Variants in ATRNL1 observed in about 807,000 individuals in gnomAD.
ATRNL1 encodes the protein attractin like 1.
In ATRNL1, 95 loss-of-function variants were observed where a neutral mutation model predicts 182.7. The ratio of observed to expected loss-of-function variants is 0.52; its 90% CI spans 0.44 to 0.62. The LOEUF is 0.62. ATRNL1 is among the 20% of genes least tolerant of loss of function. ATRNL1 has a pLI of 0.00. For missense variants in ATRNL1, 1,471 were observed against 1,679.5 expected (o/e 0.88, Z 2.17); for synonymous variants, 576 against 568.3 (o/e 1.01, Z -0.19).
chr10:115,342,304 C>T (rs188138527), intron 19 of ATRNL1, among the ~76,000 whole-genome samples: 196 of 150,984 alleles, frequency 1.3e-3, no homozygotes, highest in Middle Eastern at 3.4e-3. Context: ...CCTTTTTTTT[C>T]CTGGTGATAT....
chr10:115,719,592 C>A (rs1475541052), intron 26 of ATRNL1, among the ~76,000 whole-genome samples: 2 of 152,092 alleles, frequency 1.3e-5, no homozygotes, highest in African/African-American at 4.8e-5. Context: ...TAATTTACTT[C>A]AAAATACTCA....
At position 115,307,349 on chromosome 10, in the gene ATRNL1, G is replaced by A. The variant is rs545560049; in HGVS notation, c.2818+5306G>A. ...ACAATCTTGGCCCAGTGCAATCTCC[G>A]CCTTCTGGGTTGAAGCAATTCTCCT... is the stretch of plus-strand genomic sequence containing the variant. On this transcript the variant is annotated intron_variant, in intron 17 of 28. Transcript: ENST00000355044. 8.6e-4 allele frequency among the ~76,000 whole-genome samples: 131 copies of A among 152,156 alleles called. 2 individuals are homozygous for A. Among genetic ancestry groups the A allele is most frequent in the Non-Finnish European group, 9.9e-4 (67 of 67,982 alleles).
intron 22 of ATRNL1, among the ~76,000 whole-genome samples, chr10:115,465,677 A>C (rs1554970650): frequency 2.6e-5 from 4 of 151,484 alleles, no homozygotes; most frequent in African/African-American, 9.7e-5. Context: ...ATGATGCATA[A>C]TATAATAGCC....
intron 26 of ATRNL1, among the ~76,000 whole-genome samples, chr10:115,627,558 G>T (rs1443400741): frequency 6.6e-6 from 1 of 151,950 alleles, no homozygotes; most frequent in Non-Finnish European, 1.5e-5. Flanking sequence ...TAGAGACAGG[G>T]TTTCACCAAG....
At position 115,774,373 on chromosome 10, in the gene ATRNL1, C is replaced by A. The variant is rs561655494; in HGVS notation, c.3903+47018C>A. Among the ~76,000 whole-genome samples, 30 of 131,088 alleles carry A rather than the reference C, an allele frequency of 2.3e-4. No individual in the cohort carries two copies. The Admixed American group carries it at 2.7e-3, about 12-fold the overall frequency. The allele number at this position is 131,088 out of a possible 152,430, so 86.0% of individuals were successfully genotyped here. A position where few individuals can be genotyped will look rare whatever the true frequency, so the allele number is the denominator to read the frequency against. On this transcript the variant is annotated intron_variant, in intron 27 of 28. Coordinates refer to ENST00000355044, the MANE Select transcript of ATRNL1 (RefSeq NM_207303.4). ...CCAGGCCACGGAAGTTGCGGTGAGCCGAGATCACACCACTGCACTCCAGCC... is the reference window on the plus strand; with the variant it reads ...CCAGGCCACGGAAGTTGCGGTGAGCAGAGATCACACCACTGCACTCCAGCC...
intron 24 of ATRNL1, among the ~76,000 whole-genome samples, chr10:115,471,423 G>A (rs1291666343): frequency 4.0e-5 from 6 of 150,636 alleles, no homozygotes; most frequent in South Asian, 4.2e-4. Flanking sequence ...ATCTTCATAC[G>A]GCTTTACATG....
At chr10:115,810,559 G>T (rs1383562087) in intron 27 of ATRNL1, among the ~76,000 whole-genome samples, 2 of 151,880 alleles carry the variant, frequency 1.3e-5, no homozygotes, top group African/African-American at 2.4e-5. Context: ...AATTATAGTA[G>T]TAAGTTTGAT....
At chr10:115,348,866 G>A (rs1280982017) in intron 19 of ATRNL1, among the ~76,000 whole-genome samples, 2 of 152,114 alleles carry the variant, frequency 1.3e-5, no homozygotes, top group Admixed American at 6.5e-5. Context: ...AGGGGTACAT[G>A]TGATATTTTA....
At chr10:115,465,196 A>G (rs549732386) in intron 22 of ATRNL1, among the ~76,000 whole-genome samples, 8 of 151,720 alleles carry the variant, frequency 5.3e-5, no homozygotes, top group African/African-American at 1.9e-4. Context: ...TCATTGCTTC[A>G]TGAAAATGAT....
In ATRNL1 at chr10:115,117,770, C is replaced by T. The variant is rs370907726; in HGVS notation, c.294-2415C>T. Among the ~76,000 whole-genome samples the T allele has an allele frequency of 4.6e-5, 7 of 152,150 alleles. No homozygotes were observed. The South Asian group carries it at 1.5e-3, about 32-fold the overall frequency. ...GCTAAATTTTTACTTTTACGAGGAA[C>T]CTCCAAAGTGTTCTCCATAGTGGTT... On this transcript the variant is annotated intron_variant, in intron 1 of 28. Transcript: ENST00000355044.
rs7474865 is a variant in ATRNL1, at chr10:115,887,169, G to A, written c.4018+39178G>A. Among the ~76,000 whole-genome samples the A allele has an allele frequency of 9.5e-3, 1,452 of 152,264 alleles. 18 individuals carry two copies. The highest frequency in any genetic ancestry group is 0.032 in the African/African-American group (1,336 of 41,548). ...CTAGGTGATACGATTGCATATTCAAGTTTGAGATGCATTGTTCTAAGAACT... is the reference window on the plus strand; with the variant it reads ...CTAGGTGATACGATTGCATATTCAAATTTGAGATGCATTGTTCTAAGAACT... On this transcript the variant is annotated intron_variant, in intron 28 of 28. Coordinates refer to ENST00000355044, the MANE Select transcript of ATRNL1 (RefSeq NM_207303.4).
At chr10:115,500,122 G>A (rs1018117404) in intron 24 of ATRNL1, among the ~76,000 whole-genome samples, 13 of 152,018 alleles carry the variant, frequency 8.6e-5, no homozygotes, top group Admixed American at 6.6e-5. Flanking sequence ...GATAATTGAC[G>A]TAGGCCACAG....
intron 27 of ATRNL1, among the ~76,000 whole-genome samples, chr10:115,827,606 A>G (rs1417646069): frequency 6.6e-6 from 1 of 152,198 alleles, no homozygotes; most frequent in Non-Finnish European, 1.5e-5. Flanking sequence ...TTCAGTCTTC[A>G]TATGGACAAA....
intron 27 of ATRNL1, among the ~76,000 whole-genome samples, chr10:115,810,494 C>T (rs77004221): frequency 0.038 from 5,824 of 151,848 alleles, 327 homozygotes; most frequent in African/African-American, 0.12. Context: ...TTTATTTGAC[C>T]TACTAACCTT....
intron 24 of ATRNL1, among the ~76,000 whole-genome samples, chr10:115,515,895 A>G (rs7078828): frequency 0.71 from 107,832 of 151,672 alleles, 39,549 homozygotes; most frequent in African/African-American, 0.82. Flanking sequence ...TTCTTTGATC[A>G]TCTTGGCACA....
At chr10:115,810,368 G>A (rs902185767) in intron 27 of ATRNL1, among the ~76,000 whole-genome samples, 46 of 151,894 alleles carry the variant, frequency 3.0e-4, no homozygotes, top group African/African-American at 9.6e-4. Flanking sequence ...ATATTATGTC[G>A]TCCTCAAATG....
chr10:115,776,333 C>G (rs1332567816), intron 27 of ATRNL1, among the ~76,000 whole-genome samples: 1 of 152,110 alleles, frequency 6.6e-6, no homozygotes. Context: ...ATTTGGCCTC[C>G]CTAGAAGAAT....
intron 20 of ATRNL1, among the ~76,000 whole-genome samples, chr10:115,408,476 A>C (rs200290216): frequency 6.6e-6 from 1 of 152,178 alleles, no homozygotes; most frequent in East Asian, 1.9e-4. Flanking sequence ...TCTGGCTCTT[A>C]ATATCCTGTC....
chr10:115,361,587 TCTTC>T (rs1305691703), intron 19 of ATRNL1, among the ~76,000 whole-genome samples: 2 of 152,228 alleles, frequency 1.3e-5, no homozygotes, highest in East Asian at 3.9e-4. Flanking sequence ...AATATTCATT[TCTTC>T]CTTCTTCACA....
Sources: allele counts gnomAD v4.1 joint callset (sites outside exome capture counted in the v4.1 genomes callset), GRCh38; gene constraint gnomAD v4.1.1; transcripts MANE v1.5; gene names NCBI Gene and HGNC (gene_info 2026-07-23, HGNC 2026-07-21).